Variants in MYH14 observed in about 807,000 individuals in gnomAD.
The protein encoded by MYH14 is myosin heavy chain 14.
Under a neutral mutation model 255.5 loss-of-function variants are expected in MYH14, and 123 were observed. The ratio of observed to expected loss-of-function variants is 0.48; its 90% CI spans 0.42 to 0.56. The LOEUF (loss-of-function observed/expected upper bound fraction) is 0.56, where lower values mean the gene tolerates loss of function less well. MYH14 is among the 20% of genes least tolerant of loss of function. The probability of loss-of-function intolerance (pLI) is 0.00; values close to 1 mark genes in which losing one functional copy is unlikely to be tolerated. For synonymous variants in MYH14, 1,095 were observed against 1,161.2 expected, an observed-to-expected ratio of 0.94 and a Z score of 1.16; for missense variants, 2,423 against 2,802.3, an observed-to-expected ratio of 0.86 and a Z score of 3.06.
At chr19:50,249,951 G>GA in intron 14 of MYH14, 128 bp downstream of exon 14, 1 of 1,145,860 alleles carries the variant, frequency 8.7e-7, no homozygotes, top group Non-Finnish European at 1.2e-6. Flanking sequence ...TGGGGAAGGT[G>GA]ACAGCACCTG....
rs749718837 is a variant in MYH14 at position 50,281,764 on chromosome 19, G to C, written c.4461G>C (p.Leu1487=). The C allele has an allele frequency of 1.1e-5, 18 of 1,612,428 alleles. No homozygotes were observed. In the East Asian group the frequency reaches 3.8e-4, roughly 34 times the overall value. The change falls in exon 33 of 43, where the codon CTG becomes CTC. Residue 1487 remains leucine (L), a synonymous_variant. Transcript: ENST00000642316. ...ERGRRRLQQE[L]DDATMDLEQQ... is the part of the protein sequence containing the mutation. ...GCCGCCGCCGGCTGCAGCAGGAGCT[G>C]GACGACGCCACCATGGACCTGGAGC...
chr19:50,280,423 C>T lies in MYH14; in HGVS notation c.4290+40C>T. On this transcript the variant is annotated intron_variant, in intron 32 of 42. Coordinates refer to ENST00000642316, the MANE Select transcript of MYH14 (RefSeq NM_001145809.2). The surrounding 1 kb of genome is among the most constrained non-coding windows in gnomAD (Gnocchi z 4.8). ...GTAAGACCTTCAGGGAGGCACAGCC[C>T]CCCTCACTGCTCCTCCTGGGTTCCC... The T allele has an allele frequency of 1.4e-6, 2 of 1,480,426 alleles. No individual in the cohort carries two copies. The allele number at this position is 1,480,426 out of a possible 1,614,324, so 91.7% of individuals were successfully genotyped here.
chr19:50,282,832 T>G, intron 33 of MYH14, among the ~76,000 whole-genome samples: 1 of 152,234 alleles, frequency 6.6e-6, no homozygotes, highest in East Asian at 1.9e-4. Context: ...GACTGTGATA[T>G]GCCCAGCTGT....
chr19:50,283,207 C>T (rs573277832), intron 33 of MYH14, among the ~76,000 whole-genome samples: 1 of 151,964 alleles, frequency 6.6e-6, no homozygotes, highest in Non-Finnish European at 1.5e-5. Context: ...GCAACCTCCA[C>T]CTCTCAGGTT....
chr19:50,262,956 T>C (rs2123359171), intron 21 of MYH14, among the ~76,000 whole-genome samples: 1 of 151,936 alleles, frequency 6.6e-6, no homozygotes, highest in East Asian at 1.9e-4. Flanking sequence ...TCTCAGCACT[T>C]TGGGAGGCCG....
At chr19:50,217,177 T>C (rs1262870641) in intron 2 of MYH14, among the ~76,000 whole-genome samples, 1 of 152,136 alleles carries the variant, frequency 6.6e-6, no homozygotes, top group African/African-American at 2.4e-5. Context: ...TCCTTTTACT[T>C]GATATTGATT....
chr19:50,271,630 T>A, intron 25 of MYH14, 84 bp downstream of exon 25: 2 of 1,536,812 alleles, frequency 1.3e-6, no homozygotes, highest in Non-Finnish European at 8.8e-7. Flanking sequence ...CCATGGGGGT[T>A]ACCACACTGC....
chr19:50,215,019 G>A (rs374120065), intron 2 of MYH14, among the ~76,000 whole-genome samples: 2 of 129,924 alleles, frequency 1.5e-5, no homozygotes, highest in Admixed American at 7.1e-5. Context: ...TGAGGGGAGC[G>A]GGGGGGCAGG....
chr19:50,240,347 G>A (rs10426346), intron 10 of MYH14, among the ~76,000 whole-genome samples: 117,083 of 151,946 alleles, frequency 0.77, 45,478 homozygotes, highest in Admixed American at 0.82. Flanking sequence ...GGGAGGCTGA[G>A]TTAGGAGAAT....
At chr19:50,275,638 G>A (rs1200191670) in intron 27 of MYH14, among the ~76,000 whole-genome samples, 1 of 152,120 alleles carries the variant, frequency 6.6e-6, no homozygotes, top group Non-Finnish European at 1.5e-5. Flanking sequence ...ACCAGCCCTA[G>A]GCAACATAGG....
In MYH14 at chr19:50,271,837, T is replaced by G. The variant is rs374486787; in HGVS notation, c.3172-12T>G. 6.2e-7 allele frequency: 1 copy of G among 1,612,776 alleles called. No homozygotes were observed. Among genetic ancestry groups the G allele is most frequent in the Non-Finnish European group, 8.5e-7 (1 of 1,179,754 alleles). On this transcript the variant is annotated splice_polypyrimidine_tract_variant and intron_variant, in intron 25 of 42. Coordinates refer to ENST00000642316, the MANE Select transcript of MYH14 (RefSeq NM_001145809.2). ...TCCTCCTGACTGCCCCCCATCCCAC[T>G]CCACCCCTCAGGAGCGGAAGCTGCT...
chr19:50,261,924 C>T lies in MYH14; in HGVS notation c.2585+289C>T, dbSNP rs1251667488. ...CTGGGTTTCCCAGGGTGCAGGACTT[C>T]CAGTGCTAAAACAGAGAAAGCCCGG... On this transcript the variant is annotated intron_variant, in intron 21 of 42. Transcript: ENST00000642316. Among the ~76,000 whole-genome samples, 3 of 152,262 alleles carry T rather than the reference C, an allele frequency of 2.0e-5. No homozygotes were observed. The East Asian group carries it at 5.8e-4, about 29-fold the overall frequency.
intron 10 of MYH14, among the ~76,000 whole-genome samples, chr19:50,233,390 G>A (rs146660509): frequency 2.1e-4 from 32 of 152,168 alleles, no homozygotes; most frequent in South Asian, 6.2e-4. Context: ...GGCTGGTCTC[G>A]AACCCCTGAC....
Position 50,256,143 on chromosome 19 carries a change from G to T in MYH14, c.2044+825G>T, listed in dbSNP as rs973670996. On this transcript the variant is annotated intron_variant, in intron 17 of 42. Transcript: ENST00000642316. ...ATAAATTTAAAAATTGGTGGGCATGGTGGTGTGCGCCTGTAGTCCAAACTA... is the reference window on the plus strand; with the variant it reads ...ATAAATTTAAAAATTGGTGGGCATGTTGGTGTGCGCCTGTAGTCCAAACTA... 2.0e-5 allele frequency among the ~76,000 whole-genome samples: 3 copies of T among 151,984 alleles called. No individual in the cohort carries two copies. The East Asian group carries it at 5.8e-4, about 29-fold the overall frequency.
In MYH14 at chr19:50,276,913, C is replaced by A; in HGVS notation, c.3825+12C>A. The A allele has an allele frequency of 2.8e-6, 4 of 1,447,692 alleles. No individual in the cohort carries two copies. Among genetic ancestry groups the A allele is most frequent in the South Asian group, 1.4e-5 (1 of 70,204 alleles). 89.7% of individuals were successfully genotyped at this position (1,447,692 alleles called of 1,614,324 possible). On this transcript the variant is annotated intron_variant, in intron 29 of 42. Coordinates refer to ENST00000642316, the MANE Select transcript of MYH14 (RefSeq NM_001145809.2). The surrounding 1 kb of genome is among the most constrained non-coding windows in gnomAD (Gnocchi z 4.3). ...AGCAGGCCCGGAGGGTGGGTTGGGGCAGGGGGACAGGGCAGGGGGGCCACG... is the reference window on the plus strand; with the variant it reads ...AGCAGGCCCGGAGGGTGGGTTGGGGAAGGGGGACAGGGCAGGGGGGCCACG...
intron 13 of MYH14, 109 bp downstream of exon 13, chr19:50,249,248 C>T: frequency 7.9e-7 from 1 of 1,263,900 alleles, no homozygotes; most frequent in South Asian, 1.6e-5. Context: ...CCCTCTCTCT[C>T]TCTGAGTCTC....
At chr19:50,275,963 T>A (rs758126392) in intron 27 of MYH14, 28 bp from the exon 28 acceptor site, 3 of 1,587,200 alleles carry the variant, frequency 1.9e-6, no homozygotes, top group Non-Finnish European at 2.6e-6. Flanking sequence ...TGCCCCTGTA[T>A]CAACTCCACG....
chr19:50,256,479 C>A (rs1184614282), intron 17 of MYH14, among the ~76,000 whole-genome samples: 2 of 152,210 alleles, frequency 1.3e-5, no homozygotes, highest in Admixed American at 1.3e-4. Flanking sequence ...TCAAGTAATT[C>A]TCCTGCCTCA....
At position 50,230,431 on chromosome 19, in the gene MYH14, G is replaced by A. The variant is rs2033314709; in HGVS notation, c.875-94G>A. ...AGCGACTCCACTACACCACAGGAGA[G>A]AAGGGGGCAGCGTGGGCAGGGCAGG... On this transcript the variant is annotated intron_variant, in intron 8 of 42. Coordinates refer to ENST00000642316, the MANE Select transcript of MYH14 (RefSeq NM_001145809.2). This position sits in a 1 kb window ranked among gnomAD's most constrained non-coding sequence, Gnocchi z 4.7. The A allele has an allele frequency of 1.8e-6, 2 of 1,119,266 alleles. No individual in the cohort carries two copies. Among genetic ancestry groups the A allele is most frequent in the African/African-American group, 1.5e-5 (1 of 64,702 alleles). 69.3% of individuals were successfully genotyped at this position (1,119,266 alleles called of 1,614,324 possible).
Sources: gnomAD v4.1 joint callset for allele counts (sites outside exome capture counted in the v4.1 genomes callset) on GRCh38, gnomAD v4.1.1 for gene constraint, Gnocchi (gnomAD v3.1) non-coding constraint, MANE v1.5 for transcripts, NCBI Gene and HGNC (gene_info 2026-07-23, HGNC 2026-07-21) for gene names.